Variants in ZMYM6 observed in about 807,000 individuals in gnomAD.
ZMYM6 encodes the protein zinc finger MYM-type containing 6.
ZMYM6 carries 90 observed loss-of-function variants against 134.0 expected under a neutral mutation model. That is an observed-to-expected ratio of 0.67 (90% CI 0.57 to 0.80). The LOEUF (loss-of-function observed/expected upper bound fraction) is 0.80. Among genes scored for constraint, ZMYM6 ranks in the 30% least tolerant of loss-of-function variants. The pLI is 0.00. For synonymous variants in ZMYM6, 481 were observed against 524.1 expected (o/e 0.92, Z 1.12); for missense variants, 1,362 against 1,533.9 (o/e 0.89, Z 1.87).
chr1:35,012,343 ATTT>A, intron 7 of ZMYM6, 85 bp downstream of exon 7: 1 of 1,195,356 alleles, frequency 8.4e-7, no homozygotes. Context: ...AAATAGATAA[ATTT>A]AGCTTGTAAC....
At chr1:34,994,910 A>G (rs933886813) in intron 14 of ZMYM6, among the ~76,000 whole-genome samples, 2 of 136,732 alleles carry the variant, frequency 1.5e-5, no homozygotes, top group South Asian at 2.1e-4. Flanking sequence ...ACATGTATAT[A>G]TGTGTGTATA....
At chr1:35,011,716 T>C (rs1641089972) in intron 8 of ZMYM6, among the ~76,000 whole-genome samples, 174 bp downstream of exon 8, 1 of 152,208 alleles carries the variant, frequency 6.6e-6, no homozygotes, top group South Asian at 2.1e-4. Flanking sequence ...AGACCCAATA[T>C]CTGGGTTCAG....
chr1:35,027,626 T>C (rs1023750208), intron 2 of ZMYM6, among the ~76,000 whole-genome samples: 2 of 151,730 alleles, frequency 1.3e-5, no homozygotes, highest in African/African-American at 4.8e-5. Context: ...TGTGGTCAGC[T>C]ACCTGGGAGG....
In ZMYM6 at chr1:35,010,467, T is replaced by C. The variant is rs946378617; in HGVS notation, c.1472A>G (p.Asp491Gly). Residue 491 changes from aspartate (D) to glycine (G), a missense_variant, in exon 10 of 16, where the codon GAT (aspartate) becomes GGT (glycine). Transcript: ENST00000357182. ...IKETVRFSGV[D>G]KPFCSEVCKF... is the part of the protein sequence containing the mutation. ...TTTACCTTCACTACAGAATGGCTTA[T>C]CAACCCCTGAGAATCGCACAGTCTC... 2.7e-5 allele frequency: 44 copies of C among 1,612,800 alleles called. No homozygotes were observed. The highest frequency in any genetic ancestry group is 3.6e-5 in the Non-Finnish European group (43 of 1,179,756).
chr1:34,991,705 G>C (rs1263373920), intron 15 of ZMYM6, among the ~76,000 whole-genome samples: 1 of 152,036 alleles, frequency 6.6e-6, no homozygotes, highest in Non-Finnish European at 1.5e-5. Context: ...AGGAGGCAGA[G>C]GTTATAGGGA....
chr1:34,993,572 T>C (rs565601946), intron 14 of ZMYM6, among the ~76,000 whole-genome samples: 1 of 152,352 alleles, frequency 6.6e-6, no homozygotes, highest in Admixed American at 6.5e-5. Flanking sequence ...CTTGCTACCT[T>C]AATTCACCTT....
Position 35,020,371 on chromosome 1 carries a change from T to A in ZMYM6, c.178+12A>T. ...ATTAATTGTAACTAACTTATACAGT[T>A]CCATTTCTTACCAATAGGTCTCTCA... On this transcript the variant is annotated intron_variant, in intron 3 of 15. Coordinates refer to ENST00000357182, the MANE Select transcript of ZMYM6 (RefSeq NM_007167.4). 1 of 1,593,686 alleles carries A rather than the reference T, an allele frequency of 6.3e-7. No homozygotes were observed. The highest frequency in any genetic ancestry group is 1.4e-5 in the African/African-American group (1 of 73,628).
chr1:35,030,285 G>A (rs1034847338), intron 2 of ZMYM6: 23 of 331,584 alleles, frequency 6.9e-5, no homozygotes, highest in Non-Finnish European at 1.0e-4. Context: ...CAAAAAAATA[G>A]TTGAGCATGT....
chr1:35,024,200 A>C (rs1054025669), intron 2 of ZMYM6, among the ~76,000 whole-genome samples: 1 of 152,160 alleles, frequency 6.6e-6, no homozygotes, highest in Non-Finnish European at 1.5e-5. Flanking sequence ...GGAAAAGGAA[A>C]CCTTCTTTTT....
At position 34,988,429 on chromosome 1, in the gene ZMYM6, G is replaced by C; in HGVS notation, c.2653C>G (p.His885Asp). ...TCTGCAGATAGTTCATCAATCCTGT[G>C]TTGAATTGTAACATTAGAAAGTGGA... The part of the protein sequence containing the change: ...TIPLSNVTIQ[H>D]RIDELSADIE... The change falls in exon 16 of 16, where the codon CAC (histidine) becomes GAC (aspartate). Residue 885 changes from histidine to aspartate, a missense_variant. Around this residue, in one of 3 missense-constraint regions of ZMYM6, gnomAD observed 824 missense variants for 940.9 expected, o/e 0.88. Coordinates refer to ENST00000357182, the MANE Select transcript of ZMYM6 (RefSeq NM_007167.4). 1.3e-6 allele frequency: 2 copies of C among 1,551,516 alleles called. No homozygotes were observed. Among genetic ancestry groups the C allele is most frequent in the Non-Finnish European group, 1.7e-6 (2 of 1,146,938 alleles).
intron 3 of ZMYM6, among the ~76,000 whole-genome samples, chr1:35,020,172 TG>T (rs1641279589): frequency 6.6e-6 from 1 of 152,222 alleles, no homozygotes; most frequent in Non-Finnish European, 1.5e-5. Context: ...AGAAGTTTTA[TG>T]AAACAATATG....
At chr1:35,011,767 CAA>C in intron 8 of ZMYM6, 121 bp downstream of exon 8, 1 of 638,448 alleles carries the variant, frequency 1.6e-6, no homozygotes, top group East Asian at 3.4e-5. Flanking sequence ...CTGGATGAAA[CAA>C]ATTTTTTTCT....
At chr1:35,026,691 G>GC (rs1339150644) in intron 2 of ZMYM6, among the ~76,000 whole-genome samples, 1 of 152,174 alleles carries the variant, frequency 6.6e-6, no homozygotes, top group Non-Finnish European at 1.5e-5. Context: ...AAGAAATATT[G>GC]CATCTGGAGT....
At chr1:35,013,487 G>A (rs944265124) in intron 6 of ZMYM6, 7 of 984,946 alleles carry the variant, frequency 7.1e-6, no homozygotes, top group Middle Eastern at 1.0e-3. Flanking sequence ...CTGATTTTGG[G>A]ATCATATATA....
rs376203354 is a variant in ZMYM6 at position 35,023,085 on chromosome 1, C to T, written c.94-2618G>A. Among the ~76,000 whole-genome samples the T allele has an allele frequency of 8.0e-4, 121 of 151,784 alleles. 2 individuals are homozygous for T. In the South Asian group the frequency reaches 0.019, roughly 23 times the overall value. ...TCTTACAGTTAGTCAAAAGCAAGCA[C>T]GATATGTACACAAAATGCTAGTTCT... On this transcript the variant is annotated intron_variant, in intron 2 of 15. Transcript: ENST00000357182.
At chr1:35,007,189 GAT>G (rs1640997291) in intron 11 of ZMYM6, 91 bp from the exon 12 acceptor site, 2 of 1,314,820 alleles carry the variant, frequency 1.5e-6, no homozygotes, top group Non-Finnish European at 2.0e-6. Context: ...ACGAAAACAG[GAT>G]ATATGAGTCA....
At chr1:35,019,670 C>G in intron 3 of ZMYM6, 68 bp from the exon 4 acceptor site, 1 of 1,476,212 alleles carries the variant, frequency 6.8e-7, no homozygotes, top group Non-Finnish European at 9.0e-7. Flanking sequence ...GTCTCTCTCT[C>G]TCTCTCTCTT....
chr1:35,002,108 G>T (rs1459682672), intron 14 of ZMYM6, among the ~76,000 whole-genome samples: 2 of 152,178 alleles, frequency 1.3e-5, no homozygotes, highest in East Asian at 3.9e-4. Context: ...GGCCCGGATT[G>T]ACTGCTAGGA....
At position 35,015,014 on chromosome 1, in the gene ZMYM6, A is replaced by G. The variant is rs764666304; in HGVS notation, c.577T>C (p.Cys193Arg). ...TCAGCATTCTTCTGACACATACTGC[A>G]CTTAGTTGAAATGCTTTTGGTATAT... is the stretch of plus-strand genomic sequence containing the variant. The part of the protein sequence containing the change: ...TIYTKSISTK[C>R]SMCQKNADTR... The change falls in exon 5 of 16, where the codon TGC (cysteine) becomes CGC (arginine). Residue 193 changes from cysteine to arginine, a missense_variant. Cys to Arg is a radical substitution (Grantham distance 180). This residue lies in a region of ZMYM6 where 503 missense variants were observed against 520.8 expected (regional missense o/e 0.97). Transcript: ENST00000357182. 1.9e-6 allele frequency: 3 copies of G among 1,613,064 alleles called. No individual in the cohort carries two copies. The Admixed American group carries it at 5.0e-5, about 27-fold the overall frequency.
Sources: gnomAD v4.1 joint callset for allele counts (sites outside exome capture counted in the v4.1 genomes callset) on GRCh38, gnomAD v4.1.1 for gene constraint, gnomAD v4.1.1 regional missense constraint, MANE v1.5 for transcripts, NCBI Gene and HGNC (gene_info 2026-07-23, HGNC 2026-07-21) for gene names.